The following GALNT17 variants were observed in gnomAD, a reference collection of about 807,000 sequenced individuals.
GALNT17 encodes the protein UDP-GalNAc:polypeptide N-acetylgalactosaminyltransferase-like 3.
In GALNT17, 29 loss-of-function variants were observed where a neutral mutation model predicts 63.7. The ratio of observed to expected loss-of-function variants is 0.46; its 90% CI spans 0.34 to 0.62. The LOEUF (loss-of-function observed/expected upper bound fraction) is 0.62, where lower values mean the gene tolerates loss of function less well. Among genes scored for constraint, GALNT17 ranks in the 20% least tolerant of loss-of-function variants. The pLI is 0.01. For missense variants in GALNT17, 603 were observed against 799.6 expected, an observed-to-expected ratio of 0.75 and a Z score of 2.97; for synonymous variants, 305 against 318.3, an observed-to-expected ratio of 0.96 and a Z score of 0.45.
chr7:71,508,268 A>G (rs1338673866), intron 5 of GALNT17, among the ~76,000 whole-genome samples: 2 of 152,192 alleles, frequency 1.3e-5, no homozygotes, highest in South Asian at 4.1e-4. Flanking sequence ...TGATCAGCAT[A>G]TTTTTAAAAA....
At chr7:71,437,993 A>G (rs1001203894) in intron 5 of GALNT17, among the ~76,000 whole-genome samples, 1 of 152,148 alleles carries the variant, frequency 6.6e-6, no homozygotes, top group African/African-American at 2.4e-5. Flanking sequence ...GATTACAGGC[A>G]TGAGCCACTG....
At chr7:71,668,189 G>A (rs1367627420) in intron 7 of GALNT17, among the ~76,000 whole-genome samples, 1 of 152,058 alleles carries the variant, frequency 6.6e-6, no homozygotes, top group East Asian at 1.9e-4. Context: ...CATGACTGCA[G>A]ACAATCTCTG....
At chr7:71,480,097 G>A (rs1399072034) in intron 5 of GALNT17, among the ~76,000 whole-genome samples, 2 of 150,524 alleles carry the variant, frequency 1.3e-5, no homozygotes, top group African/African-American at 4.9e-5. Flanking sequence ...ATTAAAATGA[G>A]GTCCATAGTA....
intron 2 of GALNT17, among the ~76,000 whole-genome samples, chr7:71,375,332 G>C (rs534430917): frequency 6.6e-6 from 1 of 152,156 alleles, no homozygotes; most frequent in Non-Finnish European, 1.5e-5. Flanking sequence ...CTCTGCTGAC[G>C]TTGCAGGGTA....
chr7:71,693,102 A>G (rs1791480281), intron 9 of GALNT17, among the ~76,000 whole-genome samples: 1 of 151,786 alleles, frequency 6.6e-6, no homozygotes, highest in African/African-American at 2.4e-5. Flanking sequence ...AAAGTGGATC[A>G]TCATAAAGTT....
At chr7:71,145,616 C>A (rs1437926528) in intron 1 of GALNT17, among the ~76,000 whole-genome samples, 2 of 152,334 alleles carry the variant, frequency 1.3e-5, no homozygotes, top group South Asian at 4.1e-4. Context: ...TAGTGATGAA[C>A]GCAGAATGTG....
intron 1 of GALNT17, among the ~76,000 whole-genome samples, chr7:71,226,670 C>T (rs1338125690): frequency 3.9e-5 from 6 of 151,944 alleles, no homozygotes; most frequent in Non-Finnish European, 2.9e-5. Flanking sequence ...AGTACAGATA[C>T]GGTTTCGCCA....
At chr7:71,267,905 C>G (rs186619311) in intron 1 of GALNT17, among the ~76,000 whole-genome samples, 444 of 151,846 alleles carry the variant, frequency 2.9e-3, no homozygotes, top group African/African-American at 8.8e-3. Flanking sequence ...TTTCCCCTCC[C>G]TGTGTCCATG....
intron 6 of GALNT17, among the ~76,000 whole-genome samples, chr7:71,596,279 T>C (rs1358984005): frequency 2.6e-5 from 4 of 151,012 alleles, no homozygotes; most frequent in Non-Finnish European, 5.9e-5. Context: ...ACCTCGTGAT[T>C]CGCCCACCTT....
intron 1 of GALNT17, among the ~76,000 whole-genome samples, chr7:71,330,208 T>C (rs1431711493): frequency 6.6e-6 from 1 of 152,038 alleles, no homozygotes; most frequent in Non-Finnish European, 1.5e-5. Context: ...AGACAAGGTT[T>C]CACCATGTTG....
intron 3 of GALNT17, among the ~76,000 whole-genome samples, chr7:71,413,886 C>A (rs1213431934): frequency 7.7e-6 from 1 of 129,826 alleles, no homozygotes; most frequent in Non-Finnish European, 1.8e-5. Context: ...AACAGTGTAT[C>A]CCTGTACATT....
At chr7:71,612,153 A>C (rs1209539610) in intron 6 of GALNT17, among the ~76,000 whole-genome samples, 1 of 152,208 alleles carries the variant, frequency 6.6e-6, no homozygotes, top group African/African-American at 2.4e-5. Context: ...TTTCAAACTT[A>C]GACTATGAGA....
In GALNT17 at chr7:71,388,418, C is replaced by T. The variant is rs1263274609; in HGVS notation, c.589+17C>T. ...GCGACGAAGGTACAGGGGTGGCTGA[C>T]CTGTGCACAGGACATGATGACAGCA... On this transcript the variant is annotated intron_variant, in intron 3 of 10. Coordinates refer to ENST00000333538, the MANE Select transcript of GALNT17 (RefSeq NM_022479.3). The T allele has an allele frequency of 6.2e-7, 1 of 1,612,060 alleles. No homozygotes were observed. The highest frequency in any genetic ancestry group is 1.7e-5 in the Admixed American group (1 of 59,938).
chr7:71,621,599 TG>T (rs1790296846), intron 6 of GALNT17, among the ~76,000 whole-genome samples: 1 of 98,406 alleles, frequency 1.0e-5, no homozygotes, highest in African/African-American at 2.9e-5. Context: ...GGACAGACAA[TG>T]GATAAAAATA....
At chr7:71,595,525 G>T (rs538867232) in intron 6 of GALNT17, among the ~76,000 whole-genome samples, 1 of 152,150 alleles carries the variant, frequency 6.6e-6, no homozygotes, top group African/African-American at 2.4e-5. Context: ...GGCTGGAACA[G>T]TGAGAGTTTC....
intron 9 of GALNT17, 100 bp downstream of exon 9, chr7:71,677,406 G>C (rs1791169114): frequency 8.4e-7 from 1 of 1,188,600 alleles, no homozygotes; most frequent in Non-Finnish European, 1.2e-6. Context: ...TGTCTACCTT[G>C]GTAGTTATTT....
chr7:71,696,881 G>C (rs1480758279), intron 9 of GALNT17, among the ~76,000 whole-genome samples: 1 of 152,112 alleles, frequency 6.6e-6, no homozygotes, highest in African/African-American at 2.4e-5. Context: ...GGATAAAAAT[G>C]GGTATAATGC....
At chr7:71,454,641 T>C (rs1210791237) in intron 5 of GALNT17, among the ~76,000 whole-genome samples, 3 of 152,142 alleles carry the variant, frequency 2.0e-5, no homozygotes, top group Admixed American at 6.5e-5. Flanking sequence ...TAAATGTATG[T>C]ATTTAATAAG....
chr7:71,659,690 G>T (rs1335481810), intron 6 of GALNT17, among the ~76,000 whole-genome samples: 1 of 152,228 alleles, frequency 6.6e-6, no homozygotes, highest in African/African-American at 2.4e-5. Context: ...AGGGGAAATA[G>T]GTTCAGCCTT....
Sources: gnomAD v4.1 joint callset for allele counts (sites outside exome capture counted in the v4.1 genomes callset) on GRCh38, gnomAD v4.1.1 for gene constraint, MANE v1.5 for transcripts, NCBI Gene and HGNC (gene_info 2026-07-23, HGNC 2026-07-21) for gene names.